INPP4B: variants seen among roughly 807,000 people sequenced by gnomAD.
INPP4B encodes the protein inositol polyphosphate-4-phosphatase type II B.
INPP4B carries 55 observed loss-of-function variants against 122.5 expected under a neutral mutation model. That is an observed-to-expected ratio of 0.45 (90% confidence interval 0.36 to 0.56). The LOEUF (loss-of-function observed/expected upper bound fraction) is 0.56, where lower values mean the gene tolerates loss of function less well. INPP4B is among the 20% of genes least tolerant of loss of function. INPP4B has a pLI of 0.00. For missense variants in INPP4B, 1,000 were observed against 1,097.7 expected (o/e 0.91, Z 1.26); for synonymous variants, 403 against 388.7 (o/e 1.04, Z -0.43).
chr4:142,062,954 C>G (rs568226848), intron 25 of INPP4B, among the ~76,000 whole-genome samples: 1 of 152,092 alleles, frequency 6.6e-6, no homozygotes. Context: ...ACTACACTTT[C>G]GTAGGCACTT....
At chr4:142,204,734 A>G (rs1841980800) in intron 14 of INPP4B, among the ~76,000 whole-genome samples, 1 of 152,072 alleles carries the variant, frequency 6.6e-6, no homozygotes, top group South Asian at 2.1e-4. Context: ...AAGATAGAGG[A>G]CAGGTGTGTT....
chr4:142,504,320 C>T (rs375510182), intron 2 of INPP4B, among the ~76,000 whole-genome samples: 1 of 151,858 alleles, frequency 6.6e-6, no homozygotes, highest in South Asian at 2.1e-4. Flanking sequence ...TTATACCTAA[C>T]AGACTTCCAA....
At chr4:142,370,018 T>A (rs547385901) in intron 7 of INPP4B, among the ~76,000 whole-genome samples, 1 of 151,800 alleles carries the variant, frequency 6.6e-6, no homozygotes, top group South Asian at 2.1e-4. Flanking sequence ...TGATAGAACA[T>A]ACTGATATAT....
Position 142,289,061 on chromosome 4 carries a change from T to G in INPP4B, c.503+16397A>C, listed in dbSNP as rs549051074. On this transcript the variant is annotated intron_variant, in intron 9 of 25. Coordinates refer to ENST00000262992, the MANE Select transcript of INPP4B (RefSeq NM_001101669.3). ...TATTTAAACCATTATGTTATTATCT[T>G]TATTATACTTTCTCCTCTCCATTCT... Among the ~76,000 whole-genome samples the G allele has an allele frequency of 1.1e-3, 162 of 152,322 alleles. 1 individual carries two copies. Among genetic ancestry groups the G allele is most frequent in the African/African-American group, 3.9e-3 (161 of 41,576 alleles).
At chr4:142,351,768 G>C (rs1275615510) in intron 7 of INPP4B, among the ~76,000 whole-genome samples, 5 of 151,912 alleles carry the variant, frequency 3.3e-5, no homozygotes, top group African/African-American at 9.7e-5. Context: ...TCACATCAAG[G>C]CTCTTCAATT....
At chr4:142,213,095 T>C (rs1451891353) in intron 12 of INPP4B, among the ~76,000 whole-genome samples, 1 of 152,166 alleles carries the variant, frequency 6.6e-6, no homozygotes, top group Non-Finnish European at 1.5e-5. Flanking sequence ...AGAAGCAATA[T>C]TATGTGGGGC....
chr4:142,652,122 C>A (rs557332655), intron 2 of INPP4B, among the ~76,000 whole-genome samples: 316 of 152,302 alleles, frequency 2.1e-3, no homozygotes, highest in African/African-American at 7.0e-3. Context: ...ACAAAAGCCA[C>A]ATGATTATCT....
At chr4:142,245,060 T>C (rs550822712) in intron 11 of INPP4B, among the ~76,000 whole-genome samples, 1 of 152,180 alleles carries the variant, frequency 6.6e-6, no homozygotes, top group Non-Finnish European at 1.5e-5. Flanking sequence ...TTTGCCCACT[T>C]TTGGATGGGT....
rs564963093 is a variant in INPP4B, at chr4:142,328,485, T to G, written c.373-13723A>C. Among the ~76,000 whole-genome samples the G allele has an allele frequency of 6.1e-4, 93 of 152,266 alleles. No homozygotes were observed. The Middle Eastern group carries it at 0.01, about 17-fold the overall frequency. On this transcript the variant is annotated intron_variant, in intron 7 of 25. Coordinates refer to ENST00000262992, the MANE Select transcript of INPP4B (RefSeq NM_001101669.3). ...TTTTTTGCTCTAATTCCTTCACCAG[T>G]GTACAGTGGAGTTTTCCATATGCTA...
At chr4:142,385,701 C>T (rs552767591) in intron 7 of INPP4B, among the ~76,000 whole-genome samples, 1 of 152,254 alleles carries the variant, frequency 6.6e-6, no homozygotes, top group African/African-American at 2.4e-5. Context: ...AAATACCTCT[C>T]AGTCAAGCAT....
chr4:142,065,922 G>A (rs2152457744), intron 25 of INPP4B, among the ~76,000 whole-genome samples: 1 of 152,238 alleles, frequency 6.6e-6, no homozygotes, highest in African/African-American at 2.4e-5. Context: ...TGGGTGCACT[G>A]CCCTCCAGGA....
intron 1 of INPP4B, among the ~76,000 whole-genome samples, chr4:142,842,545 A>G (rs1783624717): frequency 7.0e-6 from 1 of 142,638 alleles, no homozygotes; most frequent in South Asian, 2.1e-4. Flanking sequence ...TATATACAAT[A>G]TCTATTATAT....
intron 7 of INPP4B, among the ~76,000 whole-genome samples, chr4:142,374,273 G>C (rs1467589775): frequency 6.6e-6 from 1 of 151,884 alleles, no homozygotes; most frequent in Non-Finnish European, 1.5e-5. Flanking sequence ...CCCTGATTCA[G>C]GTGAGCCACA....
chr4:142,049,659 T>C (rs1753427189), intron 25 of INPP4B, among the ~76,000 whole-genome samples: 1 of 151,944 alleles, frequency 6.6e-6, no homozygotes, highest in South Asian at 2.1e-4. Context: ...TAGTTGTGAC[T>C]GCATCAAGAA....
chr4:142,747,215 T>C (rs1331816549), intron 1 of INPP4B, among the ~76,000 whole-genome samples: 2 of 152,010 alleles, frequency 1.3e-5, no homozygotes, highest in Non-Finnish European at 2.9e-5. Flanking sequence ...GGGTGAAGGA[T>C]ATGAACAGGC....
At chr4:142,330,540 C>T (rs2627818) in intron 7 of INPP4B, among the ~76,000 whole-genome samples, 46,128 of 152,054 alleles carry the variant, frequency 0.3, 8,535 homozygotes, top group South Asian at 0.44. Flanking sequence ...CACACACGCA[C>T]ACACATACAC....
At chr4:142,682,480 T>C (rs2150688059) in intron 2 of INPP4B, among the ~76,000 whole-genome samples, 1 of 152,078 alleles carries the variant, frequency 6.6e-6, no homozygotes, top group African/African-American at 2.4e-5. Flanking sequence ...TACAATAATA[T>C]CCTTAAAAGT....
At chr4:142,581,619 ATCTATTAGAAATAGATAGAAGTTCCATT>A (rs1193175034) in intron 2 of INPP4B, among the ~76,000 whole-genome samples, 1 of 143,432 alleles carries the variant, frequency 7.0e-6, no homozygotes, top group African/African-American at 2.6e-5. Context: ...TTCCATTTCT[ATCTATTAGAAATAGATAGAAGTTCCATT>A]TCTATTAGAA....
At chr4:142,619,528 T>C (rs1744428823) in intron 2 of INPP4B, among the ~76,000 whole-genome samples, 1 of 152,062 alleles carries the variant, frequency 6.6e-6, no homozygotes, top group African/African-American at 2.4e-5. Flanking sequence ...AAAGGAGTTA[T>C]ATAAAAGAGT....
Sources: gnomAD v4.1 joint callset for allele counts (sites outside exome capture counted in the v4.1 genomes callset) on GRCh38, gnomAD v4.1.1 for gene constraint, MANE v1.5 for transcripts, NCBI Gene and HGNC (gene_info 2026-07-23, HGNC 2026-07-21) for gene names.